Variants in SLC4A4 observed in about 807,000 individuals in gnomAD.
SLC4A4 encodes solute carrier family 4 member 4.
A neutral mutation model predicts 111.5 loss-of-function variants in SLC4A4; 27 were observed. The ratio of observed to expected loss-of-function variants is 0.24; its 90% CI spans 0.18 to 0.33. The LOEUF (loss-of-function observed/expected upper bound fraction) is 0.33, where lower values mean the gene tolerates loss of function less well. SLC4A4 is among the 10% of genes least tolerant of loss of function. The probability of loss-of-function intolerance (pLI) is 1.00; values close to 1 mark genes in which losing one functional copy is unlikely to be tolerated. For missense variants in SLC4A4, 909 were observed against 1,315.5 expected (o/e 0.69, Z 4.78); for synonymous variants, 443 against 463.4 (o/e 0.96, Z 0.57).
At chr4:71,286,254 G>C (rs1189604879) in intron 3 of SLC4A4, among the ~76,000 whole-genome samples, 1 of 152,030 alleles carries the variant, frequency 6.6e-6, no homozygotes, top group African/African-American at 2.4e-5. Context: ...AAAAAGTTCA[G>C]ATTTCTGGGC....
intron 12 of SLC4A4, among the ~76,000 whole-genome samples, chr4:71,458,032 GATCT>G (rs1313073841): frequency 6.6e-6 from 1 of 151,342 alleles, no homozygotes; most frequent in Non-Finnish European, 1.5e-5. Flanking sequence ...TCCTATTTTT[GATCT>G]GCAGTTGGTT....
intron 2 of SLC4A4, among the ~76,000 whole-genome samples, chr4:71,110,566 T>A (rs944582880): frequency 6.6e-6 from 1 of 152,226 alleles, no homozygotes; most frequent in Admixed American, 6.5e-5. Context: ...CTTAATTGTA[T>A]GAATTAACCT....
chr4:71,453,305 CA>C (rs1560521786), intron 11 of SLC4A4, among the ~76,000 whole-genome samples, 189 bp from the exon 12 acceptor site: 1 of 152,014 alleles, frequency 6.6e-6, no homozygotes, highest in African/African-American at 2.4e-5. Context: ...TTTGGTGACC[CA>C]AAAAGAAAGA....
In SLC4A4 at chr4:71,376,513, T is replaced by C. The variant is rs115641384; in HGVS notation, c.730+19326T>C. ...CCACTGCATCTGGCCTCCTAAAATA[T>C]ATTTTAACAGGTTGAACACAGAAGC... On this transcript the variant is annotated intron_variant, in intron 6 of 25. Coordinates refer to ENST00000264485, the MANE Select transcript of SLC4A4 (RefSeq NM_001098484.3). Among the ~76,000 whole-genome samples, 348 of 150,968 alleles carry C rather than the reference T, an allele frequency of 2.3e-3. 1 individual carries two copies. The highest frequency in any genetic ancestry group is 7.9e-3 in the African/African-American group (325 of 41,298).
At chr4:71,281,649 G>A (rs1723525753) in intron 3 of SLC4A4, among the ~76,000 whole-genome samples, 1 of 152,194 alleles carries the variant, frequency 6.6e-6, no homozygotes, top group South Asian at 2.1e-4. Context: ...GATAATTGAA[G>A]TTTAATATTG....
chr4:71,084,523 T>C (rs1364847017), intron 1 of SLC4A4, among the ~76,000 whole-genome samples: 8 of 152,030 alleles, frequency 5.3e-5, no homozygotes, highest in Admixed American at 2.0e-4. Context: ...CATTTAACAT[T>C]AGGTATATCT....
At chr4:71,430,161 G>T (rs993665423) in intron 7 of SLC4A4, among the ~76,000 whole-genome samples, 7 of 152,052 alleles carry the variant, frequency 4.6e-5, no homozygotes, top group African/African-American at 1.4e-4. Flanking sequence ...GGTGTGTCTT[G>T]TGACCTCCCA....
At chr4:71,466,979 G>GAGAGAGAGAGAGAGAGAGAGAGAGAGA (rs1363275518) in intron 13 of SLC4A4, among the ~76,000 whole-genome samples, 3 of 145,818 alleles carry the variant, frequency 2.1e-5, no homozygotes, top group East Asian at 2.1e-4. Flanking sequence ...GAGAGAGAGA[G>GAGAGAGAGAGAGAGAGAGAGAGAGAGA]GTCTGAGTAT....
In SLC4A4 at chr4:71,534,465, C is replaced by T. The variant is rs1412244577; in HGVS notation, c.2442+77C>T. ...TTGAAAACACTAATTGATTAAAAAC[C>T]AAGGGAGCTTTGTTGGGAGTTACTA... is the stretch of plus-strand genomic sequence containing the variant. On this transcript the variant is annotated intron_variant, in intron 18 of 25. Transcript: ENST00000264485. 4 of 1,424,370 alleles carry T rather than the reference C, an allele frequency of 2.8e-6. No homozygotes were observed. The African/African-American group carries it at 5.6e-5, about 20-fold the overall frequency. The allele number at this position is 1,424,370 out of a possible 1,614,324, so 88.2% of individuals were successfully genotyped here.
chr4:71,565,854 G>A (rs929154144), intron 24 of SLC4A4, among the ~76,000 whole-genome samples: 1 of 151,818 alleles, frequency 6.6e-6, no homozygotes, highest in Non-Finnish European at 1.5e-5. Flanking sequence ...GATGACCTTT[G>A]TTTTTTACCT....
intron 7 of SLC4A4, among the ~76,000 whole-genome samples, chr4:71,416,592 T>C (rs1386666485): frequency 6.6e-6 from 1 of 152,148 alleles, no homozygotes; most frequent in Admixed American, 6.5e-5. Context: ...ACCACAATAA[T>C]AACTTACTTA....
chr4:71,528,447 G>T (rs868123966), intron 16 of SLC4A4, among the ~76,000 whole-genome samples: 4 of 151,994 alleles, frequency 2.6e-5, no homozygotes, highest in African/African-American at 7.2e-5. Context: ...AATTTCTTTT[G>T]CTTTGAATGG....
intron 2 of SLC4A4, among the ~76,000 whole-genome samples, chr4:71,097,522 T>G (rs1378982953): frequency 6.6e-6 from 1 of 152,216 alleles, no homozygotes; most frequent in Admixed American, 6.5e-5. Flanking sequence ...TAATTTATAT[T>G]TCTCTGGGTA....
intron 3 of SLC4A4, among the ~76,000 whole-genome samples, chr4:71,332,816 C>G (rs544558197): frequency 6.6e-6 from 1 of 152,168 alleles, no homozygotes; most frequent in South Asian, 2.1e-4. Flanking sequence ...ATGCATCCTT[C>G]GGTATGTCAG....
intron 3 of SLC4A4, among the ~76,000 whole-genome samples, chr4:71,273,624 G>C (rs1722855306): frequency 6.6e-6 from 1 of 151,724 alleles, no homozygotes; most frequent in African/African-American, 2.4e-5. Context: ...GGGTGGTTTT[G>C]GGTAAAGCCG....
intron 6 of SLC4A4, among the ~76,000 whole-genome samples, chr4:71,376,044 T>TATATACACGTATATATATATAC (rs1412004355): frequency 6.7e-6 from 1 of 149,760 alleles, no homozygotes; most frequent in African/African-American, 2.5e-5. Context: ...TATATATACA[T>TATATACACGTATATATATATAC]ATATACACGT....
intron 7 of SLC4A4, among the ~76,000 whole-genome samples, chr4:71,413,834 G>A (rs960414478): frequency 1.3e-5 from 2 of 152,138 alleles, no homozygotes; most frequent in Admixed American, 6.5e-5. Context: ...TCTTGCCAGT[G>A]AAATGCATCT....
intron 2 of SLC4A4, among the ~76,000 whole-genome samples, chr4:71,122,023 T>G (rs1427956345): frequency 6.6e-6 from 1 of 152,124 alleles, no homozygotes; most frequent in African/African-American, 2.4e-5. Flanking sequence ...GCTTCACTCC[T>G]GAAGCCAGCG....
At chr4:71,149,347 T>C (rs1346705289) in intron 2 of SLC4A4, among the ~76,000 whole-genome samples, 1 of 152,160 alleles carries the variant, frequency 6.6e-6, no homozygotes, top group East Asian at 1.9e-4. Flanking sequence ...CAAATGATAG[T>C]CTTTTTCTGG....
Sources: gnomAD v4.1 joint callset for allele counts (sites outside exome capture counted in the v4.1 genomes callset) on GRCh38, gnomAD v4.1.1 for gene constraint, MANE v1.5 for transcripts, NCBI Gene and HGNC (gene_info 2026-07-23, HGNC 2026-07-21) for gene names.